Variants in ATG7 observed in about 807,000 individuals in gnomAD.
The protein encoded by ATG7 is ubiquitin-like modifier-activating enzyme ATG7.
A neutral mutation model predicts 82.4 loss-of-function variants in ATG7; 70 were observed. The observed-to-expected ratio is 0.85, with a 90% confidence interval of 0.70 to 1.04. The LOEUF (loss-of-function observed/expected upper bound fraction) is 1.04, where lower values mean the gene tolerates loss of function less well. Among genes scored for constraint, ATG7 ranks in the 50% least tolerant of loss-of-function variants. The probability of loss-of-function intolerance (pLI) is 0.00; values close to 1 mark genes in which losing one functional copy is unlikely to be tolerated. For synonymous variants in ATG7, 287 were observed against 313.0 expected, an observed-to-expected ratio of 0.92 and a Z score of 0.88; for missense variants, 792 against 864.3, an observed-to-expected ratio of 0.92 and a Z score of 1.05.
At chr3:11,326,265 C>CT (rs1431514570) in intron 9 of ATG7, among the ~76,000 whole-genome samples, 5 of 150,288 alleles carry the variant, frequency 3.3e-5, no homozygotes, top group Admixed American at 1.3e-4. Flanking sequence ...CCTTTTTACA[C>CT]TTGATAGAGT....
At chr3:11,360,490 A>C in intron 15 of ATG7, 91 bp from the exon 16 acceptor site, 1 of 1,329,676 alleles carries the variant, frequency 7.5e-7, no homozygotes, top group Non-Finnish European at 1.0e-6. Context: ...GCAAAAAATA[A>C]ATTTTAAAAA....
intron 20 of ATG7, among the ~76,000 whole-genome samples, chr3:11,449,062 G>A (rs1227317918): frequency 1.3e-5 from 2 of 152,198 alleles, no homozygotes; most frequent in Non-Finnish European, 2.9e-5. Flanking sequence ...ACTTACAAAT[G>A]GGAGGGAGAT....
intron 18 of ATG7, among the ~76,000 whole-genome samples, chr3:11,368,189 T>C (rs2076750844): frequency 6.8e-6 from 1 of 146,194 alleles, no homozygotes; most frequent in Non-Finnish European, 1.5e-5. Context: ...AATCTTATAG[T>C]AGTGTTGTTC....
At chr3:11,564,807 T>TC in the ATG7 span, 1 of 1,559,554 alleles carries the variant, frequency 6.4e-7, no homozygotes. Flanking sequence ...CTGCTGCCGC[T>TC]CCCCCGGGGT....
chr3:11,570,481 C>G, the ATG7 span, among the ~76,000 whole-genome samples: 1 of 152,180 alleles, frequency 6.6e-6, no homozygotes, highest in East Asian at 1.9e-4. Context: ...CGTGCACTCC[C>G]GGGAAGGCTG....
At chr3:11,548,950 G>A (rs1304044487) in intron 20 of ATG7, among the ~76,000 whole-genome samples, 1 of 152,250 alleles carries the variant, frequency 6.6e-6, no homozygotes, top group Non-Finnish European at 1.5e-5. Flanking sequence ...TCCTCTGCAG[G>A]GGTTGGACTG....
At chr3:11,286,742 C>T (rs983308550) in intron 3 of ATG7, among the ~76,000 whole-genome samples, 11 of 151,134 alleles carry the variant, frequency 7.3e-5, no homozygotes, top group Non-Finnish European at 1.0e-4. Context: ...GGAACACAGG[C>T]GCATGCCACC....
At chr3:11,435,431 C>T (rs2083285923) in intron 20 of ATG7, among the ~76,000 whole-genome samples, 1 of 152,204 alleles carries the variant, frequency 6.6e-6, no homozygotes, top group Non-Finnish European at 1.5e-5. Flanking sequence ...ACTCACTACC[C>T]CTCAGTACAG....
intron 20 of ATG7, among the ~76,000 whole-genome samples, chr3:11,508,217 G>C (rs866294447): frequency 2.0e-4 from 31 of 152,116 alleles, no homozygotes; most frequent in African/African-American, 7.0e-4. Context: ...GTGCCAGTTC[G>C]TGAGGCACAC....
In ATG7 at chr3:11,442,739, C is replaced by CCA. The variant is rs1553668928; in HGVS notation, c.2079+15813_2079+15814insCA. Among the ~76,000 whole-genome samples, 147 of 69,252 alleles carry CCA rather than the reference C, an allele frequency of 2.1e-3. 24 individuals carry two copies. The highest frequency in any genetic ancestry group is 4.6e-3 in the East Asian group (9 of 1,944). The allele number at this position is 69,252 out of a possible 152,430, so 45.4% of individuals were successfully genotyped here. ...GCAGCATAGTGAGACTCCATCTCTACAAAAAAAAAAAAAAAAAAAAAAAAA... is the reference window on the plus strand; with the variant it reads ...GCAGCATAGTGAGACTCCATCTCTACCAAAAAAAAAAAAAAAAAAAAAAAAAA... On this transcript the variant is annotated intron_variant, in intron 20 of 20. Transcript: ENST00000693202.
chr3:11,379,644 T>C (rs2077719786), intron 18 of ATG7, among the ~76,000 whole-genome samples: 1 of 152,216 alleles, frequency 6.6e-6, no homozygotes, highest in South Asian at 2.1e-4. Context: ...AGTGGACCTG[T>C]TCAACATTTT....
intron 14 of ATG7, among the ~76,000 whole-genome samples, chr3:11,355,863 G>A (rs2075897912): frequency 6.6e-6 from 1 of 152,198 alleles, no homozygotes; most frequent in Non-Finnish European, 1.5e-5. Flanking sequence ...TAAGAGAAAT[G>A]AAAACATATA....
chr3:11,561,416 C>T (rs75609208), downstream of ATG7, among the ~76,000 whole-genome samples: 5 of 152,262 alleles, frequency 3.3e-5, no homozygotes, highest in Admixed American at 6.5e-5. Flanking sequence ...TGAGCTGGGG[C>T]GAATTGCCTT....
chr3:11,393,299 A>AT (rs961996820), intron 19 of ATG7, among the ~76,000 whole-genome samples: 96 of 152,080 alleles, frequency 6.3e-4, no homozygotes, highest in Non-Finnish European at 5.3e-4. Context: ...ATCCTCTAGT[A>AT]TAGATTTCAA....
chr3:11,498,224 G>A (rs578226055), intron 20 of ATG7, among the ~76,000 whole-genome samples: 1 of 152,212 alleles, frequency 6.6e-6, no homozygotes, highest in East Asian at 1.9e-4. Flanking sequence ...TCTCCAAACA[G>A]AATTTCCAAA....
intron 19 of ATG7, among the ~76,000 whole-genome samples, chr3:11,423,118 T>G (rs765675103): frequency 6.6e-6 from 1 of 152,176 alleles, no homozygotes; most frequent in Non-Finnish European, 1.5e-5. Context: ...CTTGGACACT[T>G]TGAGGCCGTT....
intron 20 of ATG7, among the ~76,000 whole-genome samples, chr3:11,445,914 A>T: frequency 6.6e-6 from 1 of 152,108 alleles, no homozygotes; most frequent in East Asian, 1.9e-4. Flanking sequence ...CGTCTTATGT[A>T]TATTACTTAT....
intron 9 of ATG7, among the ~76,000 whole-genome samples, chr3:11,317,589 T>C (rs865995871): frequency 0.016 from 2,412 of 147,380 alleles, 51 homozygotes; most frequent in African/African-American, 0.056. Context: ...TCTTTCTTTT[T>C]TTTTTTTTTT....
At chr3:11,487,128 T>C (rs1406822394) in intron 20 of ATG7, among the ~76,000 whole-genome samples, 2 of 147,452 alleles carry the variant, frequency 1.4e-5, no homozygotes, top group African/African-American at 5.1e-5. Flanking sequence ...ACAGCACATG[T>C]TTCAGAGAGC....
Sources: allele counts gnomAD v4.1 joint callset (sites outside exome capture counted in the v4.1 genomes callset), GRCh38; gene constraint gnomAD v4.1.1; transcripts MANE v1.5; gene names NCBI Gene and HGNC (gene_info 2026-07-23, HGNC 2026-07-21).